DENND5A: variants seen among roughly 807,000 people sequenced by gnomAD.
DENND5A encodes DENN domain containing 5A, also known as DENN domain-containing protein 5A.
Under a neutral mutation model 140.3 loss-of-function variants are expected in DENND5A, and 64 were observed. The observed-to-expected ratio is 0.46, with a 90% confidence interval of 0.37 to 0.56. The LOEUF (loss-of-function observed/expected upper bound fraction) is 0.56. Ranked by LOEUF, DENND5A falls within the 20% of genes least tolerant of loss-of-function variation. DENND5A has a pLI of 0.00. For synonymous variants in DENND5A, 605 were observed against 607.7 expected, an observed-to-expected ratio of 1.00 and a Z score of 0.07; for missense variants, 1,292 against 1,593.8, an observed-to-expected ratio of 0.81 and a Z score of 3.22.
chr11:9,200,917 C>T (rs1849499900), intron 4 of DENND5A, among the ~76,000 whole-genome samples: 1 of 152,196 alleles, frequency 6.6e-6, no homozygotes, highest in Non-Finnish European at 1.5e-5. Flanking sequence ...ATACCAGCCA[C>T]AGTTTTAGTG....
At position 9,203,618 on chromosome 11, in the gene DENND5A, A is replaced by C. The variant is rs371233265; in HGVS notation, c.949+42T>G. ...CTGTATCTGAACATGGAAAGCAAAGAAGCCTGAGGCAGGCAGAAGGCTCTA... is the reference window on the plus strand; with the variant it reads ...CTGTATCTGAACATGGAAAGCAAAGCAGCCTGAGGCAGGCAGAAGGCTCTA... On this transcript the variant is annotated intron_variant, in intron 4 of 22. Coordinates refer to ENST00000328194, the MANE Select transcript of DENND5A (RefSeq NM_015213.4). 95 of 1,560,610 alleles carry C rather than the reference A, an allele frequency of 6.1e-5. No individual in the cohort carries two copies. In the African/African-American group the frequency reaches 1.2e-3, roughly 19 times the overall value.
chr11:9,235,439 A>T (rs1200197963), intron 1 of DENND5A, among the ~76,000 whole-genome samples: 1 of 151,950 alleles, frequency 6.6e-6, no homozygotes, highest in Non-Finnish European at 1.5e-5. Context: ...TGGGCAGATC[A>T]CTGGAGGTCA....
rs1366907375 is a variant in DENND5A at position 9,180,963 on chromosome 11, A to T, written c.1259T>A (p.Ile420Asn). ...GCAATGAAGATTCCCTTCAGGGGGA[A>T]TTCCAAATGCCATGAGAATCTCAGA... ...EVSEILMAFG[I>N]PPEGNLHCSE... Residue 420 changes from isoleucine to asparagine, a missense_variant, in exon 6 of 23, where the codon ATT becomes AAT. Ile to Asn is a moderately radical substitution (Grantham distance 149). Transcript: ENST00000328194. The T allele has an allele frequency of 1.9e-6, 3 of 1,614,168 alleles. No homozygotes were observed. The highest frequency in any genetic ancestry group is 2.2e-5 in the East Asian group (1 of 44,870).
At chr11:9,176,516 A>G (rs192136580) in intron 8 of DENND5A, among the ~76,000 whole-genome samples, 1 of 152,072 alleles carries the variant, frequency 6.6e-6, no homozygotes, top group East Asian at 1.9e-4. Flanking sequence ...TGTGTAGATT[A>G]TAACATCCCT....
At chr11:9,144,873 G>C (rs1402794180) in intron 18 of DENND5A, 122 bp downstream of exon 18, 3 of 704,088 alleles carry the variant, frequency 4.3e-6, no homozygotes, top group African/African-American at 1.8e-5. Context: ...GAGCCAAACA[G>C]GAAGTTGCCT....
chr11:9,215,294 A>G (rs1850044918), intron 1 of DENND5A, among the ~76,000 whole-genome samples: 1 of 152,186 alleles, frequency 6.6e-6, no homozygotes, highest in African/African-American at 2.4e-5. Flanking sequence ...AAAATGGCTG[A>G]ACTTCTTATG....
chr11:9,218,208 G>C (rs1301317743), intron 1 of DENND5A, among the ~76,000 whole-genome samples: 2 of 151,936 alleles, frequency 1.3e-5, no homozygotes, highest in East Asian at 3.9e-4. Flanking sequence ...GCAGTGAGCT[G>C]AGATAGCACC....
At position 9,261,037 on chromosome 11, in the gene DENND5A, AT is replaced by A. The variant is rs890742257; in HGVS notation, c.109+3923del. 2.5e-4 allele frequency among the ~76,000 whole-genome samples: 3 copies of A among 12,066 alleles called. No individual in the cohort carries two copies. In the Non-Finnish European group the frequency reaches 0.011, roughly 42 times the overall value. 7.9% of individuals were successfully genotyped at this position (12,066 alleles called of 152,430 possible). A position where few individuals can be genotyped will look rare whatever the true frequency, so the allele number is the denominator to read the frequency against. On this transcript the variant is annotated intron_variant, in intron 1 of 22. Coordinates refer to ENST00000328194, the MANE Select transcript of DENND5A (RefSeq NM_015213.4). ...CTAATTTTTTGTACTTTCTGTAGAG[AT>A]AAGAGTCTTGCCGTGCTGCCCAGGC...
intron 1 of DENND5A, 60 bp from the exon 2 acceptor site, chr11:9,207,692 G>C: frequency 8.4e-7 from 1 of 1,193,516 alleles, no homozygotes; most frequent in East Asian, 2.4e-5. Flanking sequence ...AAACTTTTTT[G>C]ACCATTATTC....
At chr11:9,212,224 C>T (rs1290125192) in intron 1 of DENND5A, among the ~76,000 whole-genome samples, 2 of 151,692 alleles carry the variant, frequency 1.3e-5, no homozygotes, top group Admixed American at 6.6e-5. Flanking sequence ...CATCTCTACA[C>T]AATAAAATGT....
At chr11:9,255,987 T>C (rs1441956774) in intron 1 of DENND5A, among the ~76,000 whole-genome samples, 6 of 150,304 alleles carry the variant, frequency 4.0e-5, no homozygotes, top group South Asian at 4.2e-4. Context: ...GATCGCGCCA[T>C]TGCACCCCAG....
chr11:9,230,949 T>A (rs1216624871), intron 1 of DENND5A, among the ~76,000 whole-genome samples: 1 of 152,000 alleles, frequency 6.6e-6, no homozygotes, highest in Non-Finnish European at 1.5e-5. Context: ...TAGCGTGCAC[T>A]CTAGCCTGGG....
chr11:9,192,879 T>C (rs1027510), intron 5 of DENND5A, among the ~76,000 whole-genome samples: 44,840 of 152,014 alleles, frequency 0.29, 7,166 homozygotes, highest in South Asian at 0.51. Flanking sequence ...TTATTTCTAA[T>C]CATGCTTTAA....
At chr11:9,249,239 G>A (rs976198458) in intron 1 of DENND5A, among the ~76,000 whole-genome samples, 5 of 151,740 alleles carry the variant, frequency 3.3e-5, no homozygotes, top group Admixed American at 3.3e-4. Flanking sequence ...AAAAAAAAAA[G>A]AAAAAGAACC....
At chr11:9,222,776 C>T (rs1850363653) in intron 1 of DENND5A, among the ~76,000 whole-genome samples, 1 of 152,222 alleles carries the variant, frequency 6.6e-6, no homozygotes. Flanking sequence ...ACCCTGGATA[C>T]AGCCTTGACT....
At chr11:9,148,425 G>A (rs1847502904) in intron 15 of DENND5A, among the ~76,000 whole-genome samples, 2 of 152,162 alleles carry the variant, frequency 1.3e-5, no homozygotes, top group African/African-American at 4.8e-5. Context: ...TAAGTAAGGG[G>A]TTTCTGCAAT....
intron 12 of DENND5A, among the ~76,000 whole-genome samples, chr11:9,158,966 C>A (rs772706279): frequency 1.3e-5 from 2 of 152,148 alleles, no homozygotes; most frequent in Non-Finnish European, 2.9e-5. Flanking sequence ...ACATTTTCAT[C>A]ACCCCCAAAA....
Position 9,145,071 on chromosome 11 carries a change from C to T in DENND5A, c.3046G>A (p.Asp1016Asn). ...GKLTTVQIGHDNSGLYAKWLV... is the reference protein window; with the variant it reads ...GKLTTVQIGHNNSGLYAKWLV... ...CATTTGGCATACAGCCCAGAGTTAT[C>T]ATGGCCAATCTGGACAGTAGTAAGC... Residue 1016 changes from aspartate to asparagine, a missense_variant, in exon 18 of 23, where the codon GAT (aspartate) becomes AAT (asparagine). This residue lies in a region of DENND5A where 498 missense variants were observed against 689.7 expected (regional missense o/e 0.72). Coordinates refer to ENST00000328194, the MANE Select transcript of DENND5A (RefSeq NM_015213.4). 6.2e-7 allele frequency: 1 copy of T among 1,614,156 alleles called. No homozygotes were observed.
intron 4 of DENND5A, among the ~76,000 whole-genome samples, chr11:9,194,391 A>G (rs1208477860): frequency 1.3e-5 from 2 of 152,142 alleles, no homozygotes; most frequent in African/African-American, 4.8e-5. Context: ...CAACATGGTG[A>G]AACCCCATCT....
Sources: allele counts gnomAD v4.1 joint callset (sites outside exome capture counted in the v4.1 genomes callset), GRCh38; gene constraint gnomAD v4.1.1; regional missense constraint gnomAD v4.1.1; transcripts MANE v1.5; gene names NCBI Gene and HGNC (gene_info 2026-07-23, HGNC 2026-07-21).